DAPK1: variants seen among roughly 807,000 people sequenced by gnomAD.
The protein encoded by DAPK1 is death associated protein kinase 1.
A neutral mutation model predicts 144.9 loss-of-function variants in DAPK1; 56 were observed. The observed-to-expected ratio is 0.39, with a 90% CI of 0.31 to 0.48. DAPK1 has a LOEUF of 0.48. Among genes scored for constraint, DAPK1 ranks in the 20% least tolerant of loss-of-function variants. The pLI is 0.95. For synonymous variants in DAPK1, 690 were observed against 749.0 expected, an observed-to-expected ratio of 0.92 and a Z score of 1.29; for missense variants, 1,454 against 1,875.4, an observed-to-expected ratio of 0.78 and a Z score of 4.15.
intron 2 of DAPK1, among the ~76,000 whole-genome samples, chr9:87,572,310 C>G (rs1827390942): frequency 6.6e-6 from 1 of 152,188 alleles, no homozygotes; most frequent in African/African-American, 2.4e-5. Flanking sequence ...GGTTCTATGA[C>G]AATGGCTACT....
chr9:87,647,229 C>A, intron 13 of DAPK1, 76 bp from the exon 14 acceptor site: 2 of 1,152,892 alleles, frequency 1.7e-6, no homozygotes, highest in Non-Finnish European at 2.6e-6. Flanking sequence ...AGGGAAATAA[C>A]AGTGAGTCTG....
chr9:87,502,909 TATCTATG>T (rs1200343446), intron 2 of DAPK1, among the ~76,000 whole-genome samples: 2 of 152,206 alleles, frequency 1.3e-5, no homozygotes, highest in Non-Finnish European at 2.9e-5. Flanking sequence ...TGCAAATTGG[TATCTATG>T]ATCAATATTG....
At chr9:87,534,842 GC>G (rs1311537136) in intron 2 of DAPK1, among the ~76,000 whole-genome samples, 1 of 151,884 alleles carries the variant, frequency 6.6e-6, no homozygotes, top group African/African-American at 2.4e-5. Flanking sequence ...ATGGGGTTTT[GC>G]CATGTTGGCC....
At chr9:87,603,283 G>GT (rs1176933534) in intron 2 of DAPK1, among the ~76,000 whole-genome samples, 5 of 152,144 alleles carry the variant, frequency 3.3e-5, no homozygotes, top group Non-Finnish European at 7.4e-5. Context: ...TAGAGGGAAG[G>GT]TTTTTACTCC....
chr9:87,576,851 C>T (rs929016977), intron 2 of DAPK1, among the ~76,000 whole-genome samples: 3 of 152,116 alleles, frequency 2.0e-5, no homozygotes, highest in Non-Finnish European at 4.4e-5. Flanking sequence ...TGAGCCACCG[C>T]GCCTGGCCCT....
At chr9:87,621,169 C>G (rs1332217027) in intron 3 of DAPK1, among the ~76,000 whole-genome samples, 3 of 152,242 alleles carry the variant, frequency 2.0e-5, no homozygotes, top group African/African-American at 7.2e-5. Flanking sequence ...CTTTCCTACC[C>G]TGGGACAGCA....
chr9:87,499,093 C>A lies in DAPK1; in HGVS notation c.16C>A (p.Gln6Lys). 6.2e-7 allele frequency: 1 copy of A among 1,613,956 alleles called. No homozygotes were observed. The highest frequency in any genetic ancestry group is 1.1e-5 in the South Asian group (1 of 91,058). Residue 6 changes from glutamine (Q) to lysine (K), a missense_variant, in exon 2 of 26, where the codon CAG becomes AAG. Physicochemically the swap from Gln to Lys is moderately conservative, Grantham distance 53. Coordinates refer to ENST00000408954, the MANE Select transcript of DAPK1 (RefSeq NM_004938.4). Reference protein sequence around the residue: MTVFRQENVDDYYDTG... With the variant: MTVFRKENVDDYYDTG... ...ACAGTTTATCATGACCGTGTTCAGG[C>A]AGGAAAACGTGGATGATTACTACGA...
At chr9:87,498,786 G>T (rs1464576575) in intron 1 of DAPK1, 184 bp from the exon 2 acceptor site, 2 of 465,878 alleles carry the variant, frequency 4.3e-6, no homozygotes, top group Non-Finnish European at 7.6e-6. Flanking sequence ...CGCGCGCGGG[G>T]CTGAGGGGTC....
intron 24 of DAPK1, chr9:87,701,739 A>C: frequency 3.7e-6 from 1 of 268,466 alleles, no homozygotes; most frequent in South Asian, 3.3e-5. Context: ...TTTTTTTTTT[A>C]ACTGCTTTGC....
intron 2 of DAPK1, among the ~76,000 whole-genome samples, chr9:87,563,402 CTATT>C (rs1165072860): frequency 1.3e-5 from 2 of 152,196 alleles, no homozygotes; most frequent in African/African-American, 2.4e-5. Flanking sequence ...TGCACTAACA[CTATT>C]TATTTCCACT....
chr9:87,618,515 A>G (rs1188950425), intron 3 of DAPK1, among the ~76,000 whole-genome samples: 1 of 152,256 alleles, frequency 6.6e-6, no homozygotes, highest in African/African-American at 2.4e-5. Context: ...CTAGCCAAAA[A>G]GTGGAAACTA....
At chr9:87,701,900 G>A (rs547480588) in intron 24 of DAPK1, 1 of 470,094 alleles carries the variant, frequency 2.1e-6, no homozygotes, top group Admixed American at 2.4e-5. Context: ...CAGAAGATAG[G>A]GGGTAGTCCG....
chr9:87,684,622 G>A (rs1197939203), intron 20 of DAPK1, among the ~76,000 whole-genome samples: 2 of 148,090 alleles, frequency 1.4e-5, no homozygotes, highest in South Asian at 4.6e-4. Context: ...TGGCTGTTGA[G>A]CTGTGGGAAG....
chr9:87,688,980 TTTGAGGACTTAG>T (rs1824960949), intron 21 of DAPK1, among the ~76,000 whole-genome samples: 2 of 152,200 alleles, frequency 1.3e-5, no homozygotes, highest in Non-Finnish European at 2.9e-5. Context: ...GGCAATTGTT[TTTGAGGACTTAG>T]TTATAAATTC....
At chr9:87,651,051 T>C (rs1830427095) in intron 16 of DAPK1, among the ~76,000 whole-genome samples, 1 of 152,236 alleles carries the variant, frequency 6.6e-6, no homozygotes, top group Admixed American at 6.5e-5. Context: ...ATGCAGAGGT[T>C]ACACATGTTA....
chr9:87,646,060 C>A (rs36212719), intron 12 of DAPK1, 46 bp downstream of exon 12: 1 of 1,590,546 alleles, frequency 6.3e-7, no homozygotes, highest in Non-Finnish European at 8.6e-7. Flanking sequence ...GTCACAGCGA[C>A]CTTGCCCTTC....
intron 21 of DAPK1, among the ~76,000 whole-genome samples, chr9:87,694,683 G>A (rs1825194837): frequency 6.6e-6 from 1 of 152,204 alleles, no homozygotes; most frequent in Non-Finnish European, 1.5e-5. Flanking sequence ...TAGGGACAGT[G>A]GGGTCTCTGT....
intron 2 of DAPK1, among the ~76,000 whole-genome samples, chr9:87,510,017 C>T (rs1434059956): frequency 6.6e-6 from 1 of 152,210 alleles, no homozygotes; most frequent in South Asian, 2.1e-4. Flanking sequence ...CATTTAGAAT[C>T]GATAAGGGTG....
In DAPK1 at chr9:87,703,024, T is replaced by C; in HGVS notation, c.2872-5T>C. ...AGTTAACCTGTCTGGCCCTGCCCCC[T>C]CTAGGTCTGTCCTCCCATGACTCAC... is the stretch of plus-strand genomic sequence containing the variant. On this transcript the variant is annotated splice_polypyrimidine_tract_variant and splice_region_variant and intron_variant, in intron 24 of 25. Coordinates refer to ENST00000408954, the MANE Select transcript of DAPK1 (RefSeq NM_004938.4). The C allele has an allele frequency of 6.6e-7, 1 of 1,516,160 alleles. No homozygotes were observed. The highest frequency in any genetic ancestry group is 9.2e-7 in the Non-Finnish European group (1 of 1,091,284). The allele number at this position is 1,516,160 out of a possible 1,614,324, so 93.9% of individuals were successfully genotyped here. A position where few individuals can be genotyped will look rare whatever the true frequency, so the allele number is the denominator to read the frequency against.
Sources: allele counts gnomAD v4.1 joint callset (sites outside exome capture counted in the v4.1 genomes callset), GRCh38; gene constraint gnomAD v4.1.1; transcripts MANE v1.5; gene names NCBI Gene and HGNC (gene_info 2026-07-23, HGNC 2026-07-21).